The following STK36 variants were observed in gnomAD, a reference collection of about 807,000 sequenced individuals.
STK36 encodes serine/threonine-protein kinase 36.
STK36 carries 116 observed loss-of-function variants against 142.2 expected under a neutral mutation model. That is an observed-to-expected ratio of 0.82 (90% CI 0.70 to 0.95). The LOEUF (loss-of-function observed/expected upper bound fraction) is 0.95. Among genes scored for constraint, STK36 ranks in the 40% least tolerant of loss-of-function variants. The probability of loss-of-function intolerance (pLI) is 0.00; values close to 1 mark genes in which losing one functional copy is unlikely to be tolerated. For synonymous variants in STK36, 619 were observed against 641.7 expected (o/e 0.96, Z 0.53); for missense variants, 1,422 against 1,617.2 (o/e 0.88, Z 2.07).
intron 6 of STK36, among the ~76,000 whole-genome samples, chr2:218,676,740 G>A (rs1940269443): frequency 6.8e-6 from 1 of 147,176 alleles, no homozygotes; most frequent in African/African-American, 2.5e-5. Flanking sequence ...GCTCTGCCTT[G>A]CAGGTTCACA....
intron 11 of STK36, chr2:218,688,303 G>A: frequency 2.2e-6 from 1 of 457,500 alleles, no homozygotes; most frequent in Non-Finnish European, 4.4e-6. Flanking sequence ...ATGTTGTTTT[G>A]TCTTTCTGTG....
At position 218,672,891 on chromosome 2, in the gene STK36, G is replaced by T; in HGVS notation, c.62G>T (p.Gly21Val). ...GEGSFGRVYK[G>V]RRKYSAQVVA... is the part of the protein sequence containing the mutation. ...GGCTCTTTTGGGAGGGTGTACAAGG[G>T]TCGAAGAAAATACAGTGCTCAGGTG... The change falls in exon 2 of 27, where the codon GGT (glycine) becomes GTT (valine). Residue 21 changes from glycine to valine, a missense_variant. This residue lies in a region of STK36 where 460 missense variants were observed against 449.6 expected (regional missense o/e 1.02). Transcript: ENST00000295709. 2 of 1,614,106 alleles carry T rather than the reference G, an allele frequency of 1.2e-6. No individual in the cohort carries two copies. Among genetic ancestry groups the T allele is most frequent in the South Asian group, 2.2e-5 (2 of 91,080 alleles).
intron 11 of STK36, among the ~76,000 whole-genome samples, chr2:218,687,243 A>T (rs1200233361): frequency 2.0e-5 from 3 of 152,252 alleles, no homozygotes; most frequent in African/African-American, 7.2e-5. Flanking sequence ...CTTTTGAAGC[A>T]AAAAATGTTG....
intron 6 of STK36, among the ~76,000 whole-genome samples, chr2:218,677,159 C>A (rs150870375): frequency 6.6e-6 from 1 of 151,316 alleles, no homozygotes; most frequent in African/African-American, 2.4e-5. Flanking sequence ...TCTCGAACTC[C>A]CAACCTCAGG....
intron 11 of STK36, 110 bp from the exon 12 acceptor site, chr2:218,688,587 C>T (rs1322092515): frequency 5.8e-6 from 7 of 1,200,004 alleles, no homozygotes; most frequent in African/African-American, 3.1e-5. Flanking sequence ...GAAAGGAATG[C>T]AAGCATGTGG....
At position 218,675,381 on chromosome 2, in the gene STK36, C is replaced by G; in HGVS notation, c.342C>G (p.Tyr114Ter). The G allele has an allele frequency of 6.2e-7, 1 of 1,612,194 alleles. No individual in the cohort carries two copies. The highest frequency in any genetic ancestry group is 1.1e-5 in the South Asian group (1 of 90,916). ...AIAAQLVSAL[Y>*]YLHSHRILHR... Reference sequence around the variant, plus strand: ...CTGCCCAGTTGGTGTCAGCCCTGTACTATCTGCATTCCCACCGCATCCTAC... The same window carrying G: ...CTGCCCAGTTGGTGTCAGCCCTGTAGTATCTGCATTCCCACCGCATCCTAC... The change falls in exon 5 of 27, where the codon TAC becomes TAG. Residue 114 changes from tyrosine (Y) to a stop codon, truncating the protein, a stop_gained. Coordinates refer to ENST00000295709, the MANE Select transcript of STK36 (RefSeq NM_015690.5). LOFTEE classifies it high-confidence loss of function.
chr2:218,679,291 G>T, intron 7 of STK36, 30 bp downstream of exon 7: 1 of 1,600,048 alleles, frequency 6.2e-7, no homozygotes, highest in Non-Finnish European at 8.6e-7. Flanking sequence ...AGGGCTCTTG[G>T]ACTTCCCAGT....
intron 10 of STK36, among the ~76,000 whole-genome samples, chr2:218,682,395 A>G (rs1014366653): frequency 7.2e-5 from 11 of 152,198 alleles, no homozygotes; most frequent in African/African-American, 2.2e-4. Flanking sequence ...CATATTTCCT[A>G]AAACAAGATC....
intron 11 of STK36, among the ~76,000 whole-genome samples, chr2:218,686,141 A>C (rs1386079080): frequency 6.6e-6 from 1 of 152,120 alleles, no homozygotes; most frequent in African/African-American, 2.4e-5. Flanking sequence ...GTGTTTCACC[A>C]TCTTAGCCAG....
chr2:218,673,583 G>A, intron 2 of STK36, 42 bp from the exon 3 acceptor site: 1 of 1,579,128 alleles, frequency 6.3e-7, no homozygotes, highest in Non-Finnish European at 8.6e-7. Context: ...GATCTTTTCA[G>A]TAGTGTGATT....
intron 11 of STK36, among the ~76,000 whole-genome samples, chr2:218,685,510 T>C (rs1940737167): frequency 6.6e-6 from 1 of 152,210 alleles, no homozygotes; most frequent in African/African-American, 2.4e-5. Context: ...TGGAGGATAT[T>C]ATGTTAAGTA....
At chr2:218,673,548 C>A in intron 2 of STK36, 77 bp from the exon 3 acceptor site, 1 of 1,520,814 alleles carries the variant, frequency 6.6e-7, no homozygotes, top group South Asian at 1.3e-5. Context: ...ACTTCTGGAG[C>A]TCTGAGATTA....
chr2:218,696,641 A>G (rs1309391299), intron 22 of STK36, 40 bp downstream of exon 22: 1 of 1,601,894 alleles, frequency 6.2e-7, no homozygotes. Context: ...GTAAAGAGAG[A>G]GGAACTGGGC....
In STK36 at chr2:218,688,683, C is replaced by G; in HGVS notation, c.1381-14C>G. On this transcript the variant is annotated splice_polypyrimidine_tract_variant and intron_variant, in intron 11 of 26. Coordinates refer to ENST00000295709, the MANE Select transcript of STK36 (RefSeq NM_015690.5). ...AAAATATCAATCGTTGCCTCTTTCC[C>G]TCATGTCACCCAGATCCTGAAAGGC... 1 of 1,608,022 alleles carries G rather than the reference C, an allele frequency of 6.2e-7. No homozygotes were observed.
Position 218,676,191 on chromosome 2 carries a change from C to G in STK36, c.597C>G (p.Pro199=), listed in dbSNP as rs1306555458. The G allele has an allele frequency of 5.6e-6, 9 of 1,614,060 alleles. No homozygotes were observed. The highest frequency in any genetic ancestry group is 7.6e-6 in the Non-Finnish European group (9 of 1,180,046). Residue 199 remains proline (P), a synonymous_variant, in exon 6 of 27, where the codon CCC becomes CCG. Coordinates refer to ENST00000295709, the MANE Select transcript of STK36 (RefSeq NM_015690.5). The stretch of plus-strand genomic sequence containing the variant: ...ATGAACTGGCAGTAGGCACCCCTCC[C>G]TTCTATGCTACAAGCATCTTTCAGC... ...ILYELAVGTP[P]FYATSIFQLV...
rs1340794903 is a variant in STK36 at position 218,675,421 on chromosome 2, C to A, written c.382C>A (p.Pro128Thr). ...CCGCATCCTACACCGAGATATGAAG[C>A]CTCAGAACATCCTCCTCGCCAAGGG... ...SHRILHRDMK[P>T]QNILLAKGGG... The change falls in exon 5 of 27, where the codon CCT becomes ACT. Residue 128 changes from proline (P) to threonine (T), a missense_variant. By Grantham distance (38) the Pro-to-Thr change is conservative. Around this residue, in one of 2 missense-constraint regions of STK36, gnomAD observed 460 missense variants for 449.6 expected, o/e 1.02. Transcript: ENST00000295709. 1.2e-6 allele frequency: 2 copies of A among 1,613,760 alleles called. No individual in the cohort carries two copies. Among genetic ancestry groups the A allele is most frequent in the East Asian group, 2.2e-5 (1 of 44,884 alleles).
intron 10 of STK36, among the ~76,000 whole-genome samples, chr2:218,681,047 A>G (rs949081867): frequency 6.6e-6 from 1 of 151,492 alleles, no homozygotes; most frequent in Non-Finnish European, 1.5e-5. Flanking sequence ...GAGTTTTATT[A>G]TATGTATTGT....
chr2:218,682,188 A>C (rs1479387721), intron 10 of STK36, among the ~76,000 whole-genome samples: 1 of 152,128 alleles, frequency 6.6e-6, no homozygotes, highest in Admixed American at 6.6e-5. Context: ...CGGCCTCCCA[A>C]AGTGCTGGGA....
At chr2:218,684,173 A>G (rs1447766702) in intron 10 of STK36, among the ~76,000 whole-genome samples, 4 of 137,672 alleles carry the variant, frequency 2.9e-5, no homozygotes, top group Non-Finnish European at 6.1e-5. Context: ...GTGCAATGGC[A>G]CGATCTCAGC....
Sources: gnomAD v4.1 joint callset for allele counts (sites outside exome capture counted in the v4.1 genomes callset) on GRCh38, gnomAD v4.1.1 for gene constraint, gnomAD v4.1.1 regional missense constraint, MANE v1.5 for transcripts, NCBI Gene and HGNC (gene_info 2026-07-23, HGNC 2026-07-21) for gene names.